ZC3H18: variants seen among roughly 807,000 people sequenced by gnomAD.
The protein encoded by ZC3H18 is zinc finger CCCH domain-containing protein 18.
A neutral mutation model predicts 106.1 loss-of-function variants in ZC3H18; 8 were observed. The ratio of observed to expected loss-of-function variants is 0.08; its 90% CI spans 0.04 to 0.14. The LOEUF is 0.14. ZC3H18 is among the 10% of genes least tolerant of loss of function. The pLI, the probability that ZC3H18 is intolerant of heterozygous loss-of-function variation, is 1.00. For missense variants in ZC3H18, 1,318 were observed against 1,278.4 expected (o/e 1.03, Z -0.47); for synonymous variants, 635 against 522.1 (o/e 1.22, Z -2.95).
chr16:88,602,393 C>A (rs900626242), intron 6 of ZC3H18, among the ~76,000 whole-genome samples: 9 of 152,220 alleles, frequency 5.9e-5, no homozygotes, highest in Non-Finnish European at 1.2e-4. Context: ...CCCTGCCTCA[C>A]AGGTGAGGAG....
At chr16:88,595,341 G>T (rs1904373768) in intron 3 of ZC3H18, among the ~76,000 whole-genome samples, 1 of 152,214 alleles carries the variant, frequency 6.6e-6, no homozygotes, top group African/African-American at 2.4e-5. Context: ...GGCCATGTCT[G>T]TGTACACAGT....
At chr16:88,622,509 C>G in intron 9 of ZC3H18, 121 bp downstream of exon 9, 1 of 1,121,708 alleles carries the variant, frequency 8.9e-7, no homozygotes, top group Non-Finnish European at 1.2e-6. Flanking sequence ...GGCGTCGTTA[C>G]CTGCAGACCA....
At position 88,631,471 on chromosome 16, in the gene ZC3H18, C is replaced by G; in HGVS notation, c.*172C>G. The G allele has an allele frequency of 1.2e-6, 1 of 854,754 alleles. No homozygotes were observed. Among genetic ancestry groups the G allele is most frequent in the Non-Finnish European group, 1.8e-6 (1 of 546,822 alleles). 52.9% of individuals were successfully genotyped at this position (854,754 alleles called of 1,614,324 possible). A position where few individuals can be genotyped will look rare whatever the true frequency, so the allele number is the denominator to read the frequency against. Reference sequence around the variant, plus strand: ...ACAGGAAATGACAACGACGCTGAATCCCAGCCTCCCTCCCCAGAGCAGAAG... The same window carrying G: ...ACAGGAAATGACAACGACGCTGAATGCCAGCCTCCCTCCCCAGAGCAGAAG... On this transcript the variant is annotated 3_prime_UTR_variant, in exon 18 of 18. Transcript: ENST00000301011.
At chr16:88,612,638 G>A (rs908058216) in intron 8 of ZC3H18, among the ~76,000 whole-genome samples, 2 of 149,768 alleles carry the variant, frequency 1.3e-5, no homozygotes, top group African/African-American at 2.5e-5. Context: ...ACAATCGCAC[G>A]GCTGCACTCC....
rs867427450 is a variant in ZC3H18 at position 88,623,613 on chromosome 16, C to G, written c.1793+269C>G. The stretch of plus-strand genomic sequence containing the variant: ...GCACTCCAGTCCTCCGCAGACAGGC[C>G]GAGGAAGGGGCCAGACCCAGCCCTG... On this transcript the variant is annotated intron_variant, in intron 10 of 17. Transcript: ENST00000301011. 24 of 578,898 alleles carry G rather than the reference C, an allele frequency of 4.1e-5. No individual in the cohort carries two copies. In the South Asian group the frequency reaches 5.2e-4, roughly 12 times the overall value. The allele number at this position is 578,898 out of a possible 1,614,324, so 35.9% of individuals were successfully genotyped here.
At chr16:88,598,495 G>T in intron 4 of ZC3H18, 125 bp from the exon 5 acceptor site, 1 of 1,452,788 alleles carries the variant, frequency 6.9e-7, no homozygotes, top group Non-Finnish European at 9.4e-7. Flanking sequence ...ACGGAGTGAG[G>T]CTTGGTGGAA....
chr16:88,616,306 C>G (rs992691012), intron 8 of ZC3H18, among the ~76,000 whole-genome samples: 1 of 152,256 alleles, frequency 6.6e-6, no homozygotes, highest in Non-Finnish European at 1.5e-5. Flanking sequence ...CCACCTGTTT[C>G]TGACCTGGTT....
At chr16:88,591,884 A>G (rs997591731) in intron 3 of ZC3H18, among the ~76,000 whole-genome samples, 6 of 152,194 alleles carry the variant, frequency 3.9e-5, no homozygotes, top group Admixed American at 6.5e-5. Flanking sequence ...GGAGTTGCTG[A>G]TGACCTGGTG....
intron 12 of ZC3H18, among the ~76,000 whole-genome samples, 178 bp from the exon 13 acceptor site, chr16:88,625,024 C>T (rs535158169): frequency 6.6e-6 from 1 of 152,326 alleles, no homozygotes; most frequent in African/African-American, 2.4e-5. Context: ...CCCCGAGAGA[C>T]TGTACTTTTT....
chr16:88,624,482 T>C, intron 11 of ZC3H18, 120 bp from the exon 12 acceptor site: 1 of 1,492,182 alleles, frequency 6.7e-7, no homozygotes, highest in Non-Finnish European at 9.1e-7. Flanking sequence ...ACGAGCGTGC[T>C]CACCGAGCGT....
rs142407606 is a variant in ZC3H18 at position 88,599,896 on chromosome 16, G to A, written c.1036G>A (p.Glu346Lys). 1.2e-6 allele frequency: 2 copies of A among 1,614,094 alleles called. No individual in the cohort carries two copies. Among genetic ancestry groups the A allele is most frequent in the Admixed American group, 1.7e-5 (1 of 60,004 alleles). The change falls in exon 6 of 18, where the codon GAA (glutamate) becomes AAA (lysine). Residue 346 changes from glutamate to lysine, a missense_variant. Coordinates refer to ENST00000301011, the MANE Select transcript of ZC3H18 (RefSeq NM_144604.4). ...EDEREFDKEN[E>K]VFRDWNSRIP... ...CGAACGGGAATTTGACAAAGAAAAT[G>A]AAGTTTTTCGAGATTGGAATTCTCG...
chr16:88,608,861 CTAA>C, intron 6 of ZC3H18, 70 bp from the exon 7 acceptor site: 5 of 1,281,314 alleles, frequency 3.9e-6, no homozygotes, highest in Non-Finnish European at 5.6e-6. Flanking sequence ...CTTTCTGTCC[CTAA>C]TGTTTCGTGT....
intron 3 of ZC3H18, among the ~76,000 whole-genome samples, chr16:88,590,177 A>G (rs968006214): frequency 6.6e-6 from 1 of 152,172 alleles, no homozygotes. Flanking sequence ...GGTCTCAAAT[A>G]CTAGGCTCAA....
At chr16:88,590,862 T>C (rs916453030) in intron 3 of ZC3H18, among the ~76,000 whole-genome samples, 1 of 151,778 alleles carries the variant, frequency 6.6e-6, no homozygotes, top group Middle Eastern at 3.2e-3. Context: ...ACCCGGCCCC[T>C]ACTTTGGGCT....
At chr16:88,579,031 A>G (rs550562621) in intron 2 of ZC3H18, among the ~76,000 whole-genome samples, 8 of 152,102 alleles carry the variant, frequency 5.3e-5, no homozygotes, top group South Asian at 2.1e-4. Flanking sequence ...CGTGCTCTCA[A>G]TGCACGTTTG....
chr16:88,580,264 A>C (rs1915044077), intron 2 of ZC3H18, among the ~76,000 whole-genome samples: 1 of 150,556 alleles, frequency 6.6e-6, no homozygotes, highest in African/African-American at 2.5e-5. Context: ...ATGTTTCCTA[A>C]GACTGGGGGC....
intron 3 of ZC3H18, among the ~76,000 whole-genome samples, chr16:88,597,484 C>CA (rs1210283944): frequency 2.0e-5 from 3 of 152,134 alleles, no homozygotes. Flanking sequence ...TATCTATTCC[C>CA]AAAAAAGTAC....
At chr16:88,576,487 C>G (rs981626976) in intron 1 of ZC3H18, among the ~76,000 whole-genome samples, 11 of 152,094 alleles carry the variant, frequency 7.2e-5, no homozygotes, top group African/African-American at 2.7e-4. Context: ...CCTCTCGACA[C>G]CTGCTGGAGG....
At chr16:88,575,339 G>A (rs551859650) in intron 1 of ZC3H18, among the ~76,000 whole-genome samples, 8 of 151,956 alleles carry the variant, frequency 5.3e-5, no homozygotes, top group South Asian at 2.1e-4. Context: ...TGCTGCGTCC[G>A]TAGTTATCTT....
Sources: allele counts gnomAD v4.1 joint callset (sites outside exome capture counted in the v4.1 genomes callset), GRCh38; gene constraint gnomAD v4.1.1; transcripts MANE v1.5; gene names NCBI Gene and HGNC (gene_info 2026-07-23, HGNC 2026-07-21).